Variants in RNF213 observed in about 807,000 individuals in gnomAD.
The protein encoded by RNF213 is E3 ubiquitin-protein ligase RNF213.
RNF213 carries 341 observed loss-of-function variants against 514.4 expected under a neutral mutation model. That is an observed-to-expected ratio of 0.66 (90% confidence interval 0.61 to 0.73). The LOEUF is 0.73. Among genes scored for constraint, RNF213 ranks in the 30% least tolerant of loss-of-function variants. The pLI, the probability that RNF213 is intolerant of heterozygous loss-of-function variation, is 0.00. For synonymous variants in RNF213, 2,655 were observed against 2,658.2 expected (o/e 1.00, Z 0.04); for missense variants, 5,767 against 6,615.6 (o/e 0.87, Z 4.45).
At chr17:80,318,775 G>A (rs1040063252) in intron 16 of RNF213, among the ~76,000 whole-genome samples, 23 of 152,094 alleles carry the variant, frequency 1.5e-4, no homozygotes, top group East Asian at 1.9e-4. Context: ...GGGTTTCACC[G>A]TGTTAGCCAG....
chr17:80,398,428 A>G lies in RNF213; in HGVS notation c.*4930A>G, dbSNP rs2080703432. On this transcript the variant is annotated 3_prime_UTR_variant, in exon 68 of 68. Transcript: ENST00000582970. ...ACTATGGAGTACTATGACACCAGGA[A>G]AACTTAAAACTTTGTGTAAGATAGA... 1 of 152,200 alleles carries G rather than the reference A, an allele frequency of 6.6e-6. No homozygotes were observed. The highest frequency in any genetic ancestry group is 6.5e-5 in the Admixed American group (1 of 15,276). The allele number at this position is 152,200 out of a possible 1,614,324, so 9.4% of individuals were successfully genotyped here.
intron 23 of RNF213, chr17:80,336,629 G>A: frequency 1.9e-6 from 1 of 520,160 alleles, no homozygotes; most frequent in East Asian, 3.9e-5. Flanking sequence ...AAGACAGAAG[G>A]GAAATATGCT....
intron 3 of RNF213, among the ~76,000 whole-genome samples, chr17:80,276,429 AT>A (rs2044059591): frequency 6.6e-6 from 1 of 151,910 alleles, no homozygotes; most frequent in Non-Finnish European, 1.5e-5. Context: ...AATGTTTTAA[AT>A]TTTTTTACTA....
chr17:80,386,524 A>G, intron 62 of RNF213, 94 bp downstream of exon 62: 1 of 1,473,596 alleles, frequency 6.8e-7, no homozygotes, highest in African/African-American at 1.4e-5. Flanking sequence ...CCCCTTCCCT[A>G]ACAGACACTC....
At position 80,377,017 on chromosome 17, in the gene RNF213, C is replaced by T. The variant is rs936040768; in HGVS notation, c.13510+54C>T. On this transcript the variant is annotated intron_variant, in intron 53 of 67. Transcript: ENST00000582970. This position sits in a 1 kb window ranked among gnomAD's most constrained non-coding sequence, Gnocchi z 4.1. ...ACTCCTTTGAGCTTCAAAGGGTGTCCAGATGCTATGAAGCATTGGGTTCGA... is the reference window on the plus strand; with the variant it reads ...ACTCCTTTGAGCTTCAAAGGGTGTCTAGATGCTATGAAGCATTGGGTTCGA... 1.2e-5 allele frequency: 17 copies of T among 1,386,380 alleles called. No individual in the cohort carries two copies. The highest frequency in any genetic ancestry group is 1.6e-5 in the Non-Finnish European group (16 of 979,412). The allele number at this position is 1,386,380 out of a possible 1,614,324, so 85.9% of individuals were successfully genotyped here. A position where few individuals can be genotyped will look rare whatever the true frequency, so the allele number is the denominator to read the frequency against.
In RNF213 at chr17:80,339,206, C is replaced by A; in HGVS notation, c.4839C>A (p.Phe1613Leu). 6.8e-7 allele frequency: 1 copy of A among 1,479,728 alleles called. No homozygotes were observed. The highest frequency in any genetic ancestry group is 1.4e-5 in the African/African-American group (1 of 71,850). The allele number at this position is 1,479,728 out of a possible 1,614,324, so 91.7% of individuals were successfully genotyped here. ...NTEVERFSEVFCSVQRLSQAF... is the reference protein window; with the variant it reads ...NTEVERFSEVLCSVQRLSQAF... ...TCATGGTTCTGCCTCTCCAGGTCTT[C>A]TGCAGTGTGCAGAGGCTCAGCCAGG... The change falls in exon 26 of 68, where the codon TTC becomes TTA. Residue 1613 changes from phenylalanine (F) to leucine (L), a missense_variant. Phe to Leu is a conservative substitution (Grantham distance 22). Around this residue, in one of 13 missense-constraint regions of RNF213, gnomAD observed 1,377 missense variants for 1,635.2 expected, o/e 0.84. Transcript: ENST00000582970.
intron 16 of RNF213, among the ~76,000 whole-genome samples, chr17:80,318,839 C>T (rs1408834991): frequency 2.0e-5 from 3 of 152,206 alleles, no homozygotes; most frequent in Admixed American, 6.5e-5. Context: ...TCCCAAAGTG[C>T]TGGGATGACA....
rs1451677774 is a variant in RNF213, at chr17:80,349,917, C to T, written c.10088+11C>T. 5 of 1,612,650 alleles carry T rather than the reference C, an allele frequency of 3.1e-6. No homozygotes were observed. The highest frequency in any genetic ancestry group is 2.7e-5 in the African/African-American group (2 of 74,872). On this transcript the variant is annotated intron_variant, in intron 30 of 67. Transcript: ENST00000582970. ...CCTCAAAGAAGTCCGGTGAGGTTCC[C>T]TGCCTTCCCTGCTGCCCTCTCCCTC...
At chr17:80,281,788 C>T (rs993620125) in intron 3 of RNF213, among the ~76,000 whole-genome samples, 2 of 152,180 alleles carry the variant, frequency 1.3e-5, no homozygotes, top group African/African-American at 4.8e-5. Flanking sequence ...CCAAGGATGC[C>T]CAGTCCCAGA....
At chr17:80,355,214 C>T (rs1182326050) in intron 36 of RNF213, 1 of 455,898 alleles carries the variant, frequency 2.2e-6, no homozygotes, top group East Asian at 7.0e-5. Context: ...CAGCGGACTC[C>T]TCCATGAGTC....
rs551643540 is a variant in RNF213, at chr17:80,353,109, T to C, written c.10423+50T>C. On this transcript the variant is annotated intron_variant, in intron 33 of 67. Transcript: ENST00000582970. This position sits in a 1 kb window ranked among gnomAD's most constrained non-coding sequence, Gnocchi z 5.0. Reference sequence around the variant, plus strand: ...GGGGAGCAGGTGGTGGAAGGGCAGATGGCAGGTGTGGAGCGTGGCGTGCAC... The same window carrying C: ...GGGGAGCAGGTGGTGGAAGGGCAGACGGCAGGTGTGGAGCGTGGCGTGCAC... 5.1e-4 allele frequency: 811 copies of C among 1,604,748 alleles called. 12 individuals carry two copies. In the South Asian group the frequency reaches 8.5e-3, roughly 17 times the overall value.
intron 14 of RNF213, among the ~76,000 whole-genome samples, chr17:80,312,147 AAAAG>A (rs1296524358): frequency 3.3e-5 from 5 of 151,944 alleles, no homozygotes; most frequent in South Asian, 2.1e-4. Context: ...AAAAAAAAGA[AAAAG>A]AAAAGAAAAA....
intron 11 of RNF213, among the ~76,000 whole-genome samples, chr17:80,304,222 T>C (rs2045280223): frequency 6.6e-6 from 1 of 152,142 alleles, no homozygotes; most frequent in Non-Finnish European, 1.5e-5. Flanking sequence ...CTAGGGAGCC[T>C]TGCTTTATTT....
At position 80,298,950 on chromosome 17, in the gene RNF213, G is replaced by A. The variant is rs577547581; in HGVS notation, c.2210+432G>A. Among the ~76,000 whole-genome samples the A allele has an allele frequency of 3.3e-5, 5 of 152,298 alleles. No homozygotes were observed. In the South Asian group the frequency reaches 1.0e-3, roughly 32 times the overall value. ...GCTGGGATCATGCTACTGCACTGTA[G>A]CTTGGGCGACAGAGCGAGACTCTGT... On this transcript the variant is annotated intron_variant, in intron 11 of 67. Coordinates refer to ENST00000582970, the MANE Select transcript of RNF213 (RefSeq NM_001256071.3).
Position 80,290,747 on chromosome 17 carries a change from T to G in RNF213, c.1271+19T>G, listed in dbSNP as rs59209118. ...ACACCAGGTGAGCGTGTCTGTAGGC[T>G]TGGGAGGAATCCCTCAGGGAAGGCA... On this transcript the variant is annotated intron_variant, in intron 7 of 67. Coordinates refer to ENST00000582970, the MANE Select transcript of RNF213 (RefSeq NM_001256071.3). The G allele has an allele frequency of 0.037, 59,693 of 1,613,878 alleles. 1,481 individuals are homozygous for G. The highest frequency in any genetic ancestry group is 0.1 in the African/African-American group (7,703 of 74,990).
At chr17:80,296,168 C>A (rs139033181) in intron 10 of RNF213, among the ~76,000 whole-genome samples, 1,904 of 152,264 alleles carry the variant, frequency 0.013, 18 homozygotes, top group South Asian at 0.03. Flanking sequence ...TACAGGTGCA[C>A]ACTACCACAC....
intron 56 of RNF213, 33 bp downstream of exon 56, chr17:80,381,020 G>T (rs202230519): frequency 6.2e-7 from 1 of 1,612,404 alleles, no homozygotes; most frequent in African/African-American, 1.3e-5. Flanking sequence ...AATGGGCTCA[G>T]TTAAGAACCT....
In RNF213 at chr17:80,264,926, C is replaced by G. The variant is rs537654602; in HGVS notation, c.97+1148C>G. On this transcript the variant is annotated intron_variant, in intron 2 of 67. Transcript: ENST00000582970. The surrounding 1 kb of genome is among the most constrained non-coding windows in gnomAD (Gnocchi z 5.0). ...CGCAGGGCCTTTGCACCACCCTTCC[C>G]CAGAGGGCGGCCTGGCTCCCTCCTT... Among the ~76,000 whole-genome samples, 8 of 152,280 alleles carry G rather than the reference C, an allele frequency of 5.3e-5. No homozygotes were observed. In the East Asian group the frequency reaches 1.5e-3, roughly 29 times the overall value.
rs370757499 is a variant in RNF213, at chr17:80,306,336, A to C, written c.2295A>C (p.Leu765=). Residue 765 remains leucine, a synonymous_variant, in exon 12 of 68, where the codon CTA becomes CTC. Transcript: ENST00000582970. ...EPLFRSWFSL[L]PLSHLVMYME... ...TCTTCCGGTCCTGGTTTAGTCTGCT[A>C]CCTCTGAGTCACCTGGTTATGTATA... is the stretch of plus-strand genomic sequence containing the variant. The C allele has an allele frequency of 6.2e-7, 1 of 1,614,128 alleles. No homozygotes were observed. Among genetic ancestry groups the C allele is most frequent in the Non-Finnish European group, 8.5e-7 (1 of 1,180,018 alleles).
Sources: allele counts gnomAD v4.1 joint callset (sites outside exome capture counted in the v4.1 genomes callset), GRCh38; gene constraint gnomAD v4.1.1; regional missense constraint gnomAD v4.1.1; non-coding constraint Gnocchi (gnomAD v3.1); transcripts MANE v1.5; gene names NCBI Gene and HGNC (gene_info 2026-07-23, HGNC 2026-07-21).